The following RHOBTB3 variants were observed in gnomAD, a reference collection of about 807,000 sequenced individuals.
RHOBTB3 encodes rho-related BTB domain-containing protein 3.
In RHOBTB3, 47 loss-of-function variants were observed where a neutral mutation model predicts 67.2. That is an observed-to-expected ratio of 0.70 (90% CI 0.55 to 0.89). RHOBTB3 has a LOEUF of 0.89. RHOBTB3 is among the 40% of genes least tolerant of loss of function. The pLI is 0.00. For missense variants in RHOBTB3, 631 were observed against 750.0 expected (o/e 0.84, Z 1.85); for synonymous variants, 273 against 274.2 (o/e 1.00, Z 0.04).
chr5:95,776,854 G>GACTC (rs925402104), intron 8 of RHOBTB3, among the ~76,000 whole-genome samples: 1 of 152,214 alleles, frequency 6.6e-6, no homozygotes, highest in African/African-American at 2.4e-5. Context: ...TTCACCTGCA[G>GACTC]ACTCCACTCC....
intron 11 of RHOBTB3, among the ~76,000 whole-genome samples, chr5:95,792,366 G>A (rs186234141): frequency 2.9e-5 from 4 of 137,850 alleles, no homozygotes; most frequent in Admixed American, 1.6e-4. Context: ...CAGCCTGGGC[G>A]ACAGAGCAAG....
chr5:95,765,778 C>T (rs906259923), intron 7 of RHOBTB3, among the ~76,000 whole-genome samples: 2 of 152,234 alleles, frequency 1.3e-5, no homozygotes, highest in African/African-American at 4.8e-5. Flanking sequence ...TCTCCTGCCT[C>T]AGCCTCCCGA....
intron 3 of RHOBTB3, among the ~76,000 whole-genome samples, chr5:95,741,513 C>CTT (rs1755597405): frequency 1.2e-5 from 1 of 86,180 alleles, no homozygotes; most frequent in African/African-American, 4.2e-5. Context: ...TTTTTTTTTT[C>CTT]TTTCTTTCTG....
At chr5:95,788,674 C>T (rs1443283695) in intron 10 of RHOBTB3, 88 bp from the exon 11 acceptor site, 10 of 833,814 alleles carry the variant, frequency 1.2e-5, no homozygotes, top group African/African-American at 1.8e-5. Flanking sequence ...TATGGGCTCT[C>T]CGTGATTGCT....
At chr5:95,778,024 G>A (rs1205948653) in intron 8 of RHOBTB3, among the ~76,000 whole-genome samples, 4 of 152,028 alleles carry the variant, frequency 2.6e-5, no homozygotes, top group Non-Finnish European at 5.9e-5. Context: ...GGAGGCTGAG[G>A]CACGAGAATC....
In RHOBTB3 at chr5:95,783,952, A is replaced by G; in HGVS notation, c.1612A>G (p.Lys538Glu). 6.2e-7 allele frequency: 1 copy of G among 1,611,314 alleles called. No homozygotes were observed. The highest frequency in any genetic ancestry group is 1.1e-5 in the South Asian group (1 of 90,600). The stretch of plus-strand genomic sequence containing the variant: ...GAACCTTGATATAGTTGACCTGCTT[A>G]AAAAGGCCAAGGTAATTGACTCTGT... Reference protein sequence around the residue: ...SMNLDIVDLLKKAKFHHSDCL... With the variant: ...SMNLDIVDLLEKAKFHHSDCL... The change falls in exon 10 of 12, where the codon AAA (lysine) becomes GAA (glutamate). Residue 538 changes from lysine to glutamate, a missense_variant. Lys to Glu is a moderately conservative substitution (Grantham distance 56). Transcript: ENST00000379982.
At chr5:95,717,774 T>A (rs1448033380) in intron 1 of RHOBTB3, 1 of 152,212 alleles carries the variant, frequency 6.6e-6, no homozygotes, top group Non-Finnish European at 1.5e-5. Context: ...AGGTGAGGAA[T>A]CATTATAATA....
rs540822025 is a variant in RHOBTB3 at position 95,720,364 on chromosome 5, G to T, written n.133+2599G>T. ...CTGCAATAAAAATATTTGAGATTAT[G>T]ATGGGGATCATTAGCAAAACGTTGT... is the stretch of plus-strand genomic sequence containing the variant. On this transcript the variant is annotated intron_variant and non_coding_transcript_variant, in intron 1 of 5. Coordinates refer to the RHOBTB3 transcript ENST00000504949. Among the ~76,000 whole-genome samples, 197 of 152,322 alleles carry T rather than the reference G, an allele frequency of 1.3e-3. 1 individual carries two copies. Among genetic ancestry groups the T allele is most frequent in the African/African-American group, 4.6e-3 (190 of 41,568 alleles).
upstream of RHOBTB3, among the ~76,000 whole-genome samples, chr5:95,729,503 T>C (rs1755158290): frequency 1.3e-5 from 2 of 152,258 alleles, no homozygotes. Context: ...ATAGTTACCA[T>C]GTTAATCATG....
intron 7 of RHOBTB3, among the ~76,000 whole-genome samples, chr5:95,767,529 G>C (rs1052477532): frequency 7.9e-5 from 12 of 152,148 alleles, no homozygotes; most frequent in East Asian, 1.9e-4. Flanking sequence ...GTAGAAACAG[G>C]GTTTTGCTAT....
intron 7 of RHOBTB3, among the ~76,000 whole-genome samples, chr5:95,763,998 C>T (rs1313501728): frequency 6.6e-6 from 1 of 151,940 alleles, no homozygotes; most frequent in African/African-American, 2.4e-5. Flanking sequence ...TTTGTAGAGA[C>T]GTGGTTTTTC....
intron 9 of RHOBTB3, among the ~76,000 whole-genome samples, chr5:95,783,310 G>A (rs1183090157): frequency 6.6e-6 from 1 of 151,462 alleles, no homozygotes; most frequent in Admixed American, 6.6e-5. Flanking sequence ...TTTTAGTAGA[G>A]ATGAGGTTTC....
intron 10 of RHOBTB3, among the ~76,000 whole-genome samples, chr5:95,786,357 T>C (rs1393836740): frequency 6.6e-6 from 1 of 152,242 alleles, no homozygotes; most frequent in African/African-American, 2.4e-5. Context: ...TCTGCCAGTT[T>C]TGTACTGTGT....
intron 2 of RHOBTB3, among the ~76,000 whole-genome samples, chr5:95,736,044 G>T (rs1755447686): frequency 6.6e-6 from 1 of 152,118 alleles, no homozygotes; most frequent in Non-Finnish European, 1.5e-5. Context: ...GGAGGCTGCA[G>T]TGAGCCGAGA....
intron 5 of RHOBTB3, among the ~76,000 whole-genome samples, chr5:95,753,017 A>G (rs1745135236): frequency 6.6e-6 from 1 of 152,132 alleles, no homozygotes; most frequent in Non-Finnish European, 1.5e-5. Context: ...CTGTAGTCCC[A>G]GCTACTCGGG....
chr5:95,738,490 G>A (rs529514569), intron 3 of RHOBTB3, among the ~76,000 whole-genome samples: 1 of 152,162 alleles, frequency 6.6e-6, no homozygotes, highest in Non-Finnish European at 1.5e-5. Flanking sequence ...AGAGGACTCT[G>A]CCCTCGTAAA....
At chr5:95,746,386 A>G (rs1744915608) in intron 3 of RHOBTB3, among the ~76,000 whole-genome samples, 2 of 152,106 alleles carry the variant, frequency 1.3e-5, no homozygotes, top group Admixed American at 1.3e-4. Flanking sequence ...AGACCTTTGT[A>G]GATATAAGAA....
At chr5:95,730,265 A>G (rs1232187500), upstream of RHOBTB3, among the ~76,000 whole-genome samples, 1 of 152,192 alleles carries the variant, frequency 6.6e-6, no homozygotes, top group Admixed American at 6.5e-5. Context: ...CTCAGCTGAG[A>G]AAAGAAACAG....
chr5:95,775,939 TAA>T (rs1745864182), intron 8 of RHOBTB3, among the ~76,000 whole-genome samples: 1 of 152,174 alleles, frequency 6.6e-6, no homozygotes, highest in Admixed American at 6.5e-5. Flanking sequence ...AGTCTTAAGA[TAA>T]ACTTACAATT....
Sources: allele counts gnomAD v4.1 joint callset (sites outside exome capture counted in the v4.1 genomes callset), GRCh38; gene constraint gnomAD v4.1.1; transcripts MANE v1.5; gene names NCBI Gene and HGNC (gene_info 2026-07-23, HGNC 2026-07-21).